Variants in TAS1R2 observed in about 807,000 individuals in gnomAD.
TAS1R2 encodes taste 1 receptor member 2, also known as taste receptor type 1 member 2.
In TAS1R2, 47 loss-of-function variants were observed where a neutral mutation model predicts 49.3. That is an observed-to-expected ratio of 0.95 (90% CI 0.75 to 1.22). The LOEUF (loss-of-function observed/expected upper bound fraction) is 1.22. TAS1R2 is among the 50% of genes most tolerant of loss of function. TAS1R2 has a pLI of 0.00. For missense variants in TAS1R2, 1,155 were observed against 1,122.1 expected (o/e 1.03, Z -0.42); for synonymous variants, 479 against 467.9 (o/e 1.02, Z -0.31).
rs139207380 is a variant in TAS1R2, at chr1:18,840,229, G to A, written c.1890C>T (p.Cys630=). 2.5e-6 allele frequency: 4 copies of A among 1,613,998 alleles called. No individual in the cohort carries two copies. In the African/African-American group the frequency reaches 4.0e-5, roughly 16 times the overall value. ...GGGGAAAGAGGGCCTGGCGGCAGAGGCAGGTGGAGACCTTGGGCGGCCCCA... is the reference window on the plus strand; with the variant it reads ...GGGGAAAGAGGGCCTGGCGGCAGAGACAGGTGGAGACCTTGGGCGGCCCCA... The change falls in exon 6 of 6, where the codon TGC becomes TGT. Residue 630 remains cysteine, a synonymous_variant. Transcript: ENST00000375371.
chr1:18,839,764 C>T, exon 6 of TAS1R2: 4 of 1,614,206 alleles, frequency 2.5e-6, no homozygotes, highest in Non-Finnish European at 3.4e-6. Context: ...TGACCAGCAC[C>T]CCGCTGTAGG....
At chr1:18,852,690 T>A (rs1934053812) in intron 3 of TAS1R2, among the ~76,000 whole-genome samples, 1 of 152,146 alleles carries the variant, frequency 6.6e-6, no homozygotes, top group Non-Finnish European at 1.5e-5. Context: ...CCGTCGCCTC[T>A]CAGTCTTCAC....
chr1:18,840,444 G>A (rs1933802030), exon 6 of TAS1R2: 2 of 1,614,094 alleles, frequency 1.2e-6, no homozygotes, highest in African/African-American at 2.7e-5. Flanking sequence ...TGCCATTCCA[G>A]GAAGACCAGC....
chr1:18,854,493 G>A lies in TAS1R2; in HGVS notation c.977C>T (p.Thr326Ile). The A allele has an allele frequency of 6.2e-7, 1 of 1,614,070 alleles. No homozygotes were observed. The highest frequency in any genetic ancestry group is 8.5e-7 in the Non-Finnish European group (1 of 1,180,006). Residue 326 changes from threonine (T) to isoleucine (I), a missense_variant, in exon 3 of 6, where the codon ACC (threonine) becomes ATC (isoleucine). Thr to Ile is a moderately conservative substitution (Grantham distance 89). Transcript: ENST00000375371. The surrounding 1 kb of genome is among the most constrained non-coding windows in gnomAD (Gnocchi z 4.9). ...GCCCGGGATGGGCACGCTCTGGATG[G>A]TGATGCCCAGGAAGGTGCCCAAGTG...
chr1:18,857,256 T>G (rs1381605402), intron 2 of TAS1R2, 75 bp downstream of exon 2: 1 of 1,475,082 alleles, frequency 6.8e-7, no homozygotes, highest in Non-Finnish European at 9.2e-7. Context: ...ATGGAGGAAG[T>G]GGCTTCTGAG....
intron 4 of TAS1R2, among the ~76,000 whole-genome samples, chr1:18,847,050 A>G (rs1933934817): frequency 6.6e-6 from 1 of 152,138 alleles, no homozygotes; most frequent in East Asian, 1.9e-4. Context: ...AAATTTTCTA[A>G]GGCCTCCCCA....
intron 3 of TAS1R2, among the ~76,000 whole-genome samples, chr1:18,853,456 A>C (rs919866156): frequency 2.6e-5 from 4 of 152,136 alleles, no homozygotes; most frequent in African/African-American, 9.7e-5. Flanking sequence ...AATTATATAG[A>C]ATGAGAGAGA....
intron 4 of TAS1R2, among the ~76,000 whole-genome samples, chr1:18,849,099 G>A (rs4920561): frequency 0.37 from 56,274 of 152,010 alleles, 10,883 homozygotes; most frequent in East Asian, 0.55. Context: ...CAAAGTGAAC[G>A]TTTACCTTGC....
chr1:18,849,089 C>T (rs1933973671), intron 4 of TAS1R2, among the ~76,000 whole-genome samples: 1 of 152,150 alleles, frequency 6.6e-6, no homozygotes, highest in Non-Finnish European at 1.5e-5. Flanking sequence ...GGCACACACA[C>T]AAAGTGAACG....
At position 18,854,926 on chromosome 1, in the gene TAS1R2, G is replaced by C. The variant is rs140292020; in HGVS notation, c.544C>G (p.Arg182Gly). Residue 182 changes from arginine to glycine, a missense_variant, in exon 3 of 6, where the codon CGT (arginine) becomes GGT (glycine). Coordinates refer to ENST00000375371, the Ensembl canonical transcript of TAS1R2. This position sits in a 1 kb window ranked among gnomAD's most constrained non-coding sequence, Gnocchi z 4.9. ...TGGTGGTCGGCGCTGGGTGTGGTACGCAGCAAAGCCGGGAAGCGCACCTTG... is the reference window on the plus strand; with the variant it reads ...TGGTGGTCGGCGCTGGGTGTGGTACCCAGCAAAGCCGGGAAGCGCACCTTG... 3 of 1,610,580 alleles carry C rather than the reference G, an allele frequency of 1.9e-6. No homozygotes were observed. The highest frequency in any genetic ancestry group is 2.5e-6 in the Non-Finnish European group (3 of 1,177,304).
chr1:18,853,845 G>A (rs1344576133), intron 3 of TAS1R2, among the ~76,000 whole-genome samples: 1 of 152,142 alleles, frequency 6.6e-6, no homozygotes. Context: ...CTGAACCAGG[G>A]TGATAGAGAA....
chr1:18,841,982 T>TTC, intron 4 of TAS1R2, 130 bp from the exon 5 acceptor site: 1 of 521,024 alleles, frequency 1.9e-6, no homozygotes, highest in African/African-American at 3.2e-5. Flanking sequence ...GTGGAAACTG[T>TTC]AGAAAAAAAA....
intron 3 of TAS1R2, among the ~76,000 whole-genome samples, chr1:18,851,056 G>T (rs1018293956): frequency 1.3e-5 from 2 of 152,202 alleles, no homozygotes; most frequent in Admixed American, 1.3e-4. Flanking sequence ...TATTAAATTT[G>T]CCCAGGTTTG....
intron 1 of TAS1R2, 26 bp from the exon 2 acceptor site, chr1:18,857,657 T>G (rs1271029161): frequency 6.3e-7 from 1 of 1,598,656 alleles, no homozygotes; most frequent in Non-Finnish European, 8.5e-7. Flanking sequence ...CATCATGAGG[T>G]GGAAGCAGAT....
intron 2 of TAS1R2, among the ~76,000 whole-genome samples, chr1:18,855,188 G>A (rs967834259): frequency 3.0e-4 from 45 of 152,172 alleles, no homozygotes; most frequent in Middle Eastern, 3.2e-3. Flanking sequence ...CCCTAGGCCA[G>A]GTGCCTTATC....
intron 2 of TAS1R2, among the ~76,000 whole-genome samples, chr1:18,856,556 A>C (rs1441527925): frequency 1.3e-5 from 2 of 152,200 alleles, no homozygotes; most frequent in Non-Finnish European, 2.9e-5. Context: ...GATGATTTCT[A>C]AGTTGTTGCC....
chr1:18,850,756 G>A (rs1395506797), intron 3 of TAS1R2, among the ~76,000 whole-genome samples: 3 of 152,216 alleles, frequency 2.0e-5, no homozygotes, highest in African/African-American at 7.2e-5. Flanking sequence ...CAGGGACTTG[G>A]GCACCTTGGG....
intron 1 of TAS1R2, among the ~76,000 whole-genome samples, chr1:18,858,139 A>C (rs558075480): frequency 1.5e-4 from 23 of 150,286 alleles, no homozygotes; most frequent in Middle Eastern, 3.5e-3. Context: ...ACCACCACCA[A>C]CATCATCATC....
chr1:18,849,360 CAGG>C (rs765135788), exon 4 of TAS1R2: 6 of 1,614,082 alleles, frequency 3.7e-6, no homozygotes, highest in Middle Eastern at 1.7e-4. Context: ...GATGGTGTGC[CAGG>C]AGATGTCTTG....
Sources: allele counts gnomAD v4.1 joint callset (sites outside exome capture counted in the v4.1 genomes callset), GRCh38; gene constraint gnomAD v4.1.1; non-coding constraint Gnocchi (gnomAD v3.1); transcripts MANE v1.5; gene names NCBI Gene and HGNC (gene_info 2026-07-23, HGNC 2026-07-21).